The following TJP3 variants were observed in gnomAD, a reference collection of about 807,000 sequenced individuals.
TJP3 encodes tight junction protein 3.
Under a neutral mutation model 104.2 loss-of-function variants are expected in TJP3, and 85 were observed. The observed-to-expected ratio is 0.82, with a 90% CI of 0.68 to 0.98. TJP3 has a LOEUF of 0.98. Among genes scored for constraint, TJP3 ranks in the 50% least tolerant of loss-of-function variants. TJP3 has a pLI of 0.00. For missense variants in TJP3, 1,367 were observed against 1,322.8 expected (o/e 1.03, Z -0.52); for synonymous variants, 550 against 550.6 (o/e 1.00, Z 0.02).
chr19:3,714,353 T>C (rs1230206050), intron 1 of TJP3, among the ~76,000 whole-genome samples: 2 of 151,552 alleles, frequency 1.3e-5, no homozygotes, highest in Non-Finnish European at 2.9e-5. Flanking sequence ...CTAATTTTAG[T>C]ATTTTTAGTA....
At chr19:3,711,462 G>T (rs534672791) in intron 1 of TJP3, among the ~76,000 whole-genome samples, 46 of 151,850 alleles carry the variant, frequency 3.0e-4, no homozygotes, top group Admixed American at 1.7e-3. Flanking sequence ...GCCTCCCAAA[G>T]TGCTGGGATT....
intron 13 of TJP3, among the ~76,000 whole-genome samples, 184 bp downstream of exon 13, chr19:3,739,318 C>T (rs1450515006): frequency 6.6e-5 from 10 of 152,244 alleles, no homozygotes; most frequent in East Asian, 5.8e-4. Flanking sequence ...GGTGAAACCT[C>T]GTCTCTACTA....
At chr19:3,722,057 C>T in intron 1 of TJP3, 1 of 437,626 alleles carries the variant, frequency 2.3e-6, no homozygotes. Context: ...GATGAAGTGG[C>T]TAGCTGGAGG....
At position 3,730,602 on chromosome 19, in the gene TJP3, AGGCC is replaced by A. The variant is rs1245816214; in HGVS notation, c.510_513del (p.Ala171ThrfsTer19). On this transcript the variant is annotated frameshift_variant, in exon 5 of 21. Coordinates refer to ENST00000541714, the MANE Select transcript of TJP3 (RefSeq NM_001267560.2). LOFTEE classifies it high-confidence loss of function. The surrounding 1 kb of genome is among the most constrained non-coding windows in gnomAD (Gnocchi z 7.3). Reference sequence around the variant, plus strand: ...CGTAGGAGCCCAGGTGGTGGCTCTGAGGCCAACGGGCTGGCCCTGGTGTCCGGCT... The same window carrying A: ...CGTAGGAGCCCAGGTGGTGGCTCTGAAACGGGCTGGCCCTGGTGTCCGGCT... The A allele has an allele frequency of 6.2e-7, 1 of 1,611,240 alleles. No homozygotes were observed. The highest frequency in any genetic ancestry group is 1.3e-5 in the African/African-American group (1 of 74,932).
At chr19:3,728,565 G>A (rs754636794) in intron 2 of TJP3, 39 bp from the exon 3 acceptor site, 7 of 1,602,634 alleles carry the variant, frequency 4.4e-6, no homozygotes, top group Middle Eastern at 1.7e-4. Flanking sequence ...TTTACCCTGG[G>A]GGAAACAGCA....
chr19:3,747,151 C>T (rs1034296463), intron 18 of TJP3, among the ~76,000 whole-genome samples: 4 of 152,150 alleles, frequency 2.6e-5, no homozygotes, highest in Non-Finnish European at 4.4e-5. Context: ...ACCTCCGCCT[C>T]CCGGGTTCAA....
intron 19 of TJP3, chr19:3,749,502 C>T (rs181455130): frequency 6.6e-6 from 1 of 152,174 alleles, no homozygotes; most frequent in Non-Finnish European, 1.5e-5. Context: ...ACCACCCACA[C>T]CCAGCTAATT....
intron 6 of TJP3, 54 bp downstream of exon 6, chr19:3,732,092 G>A: frequency 2.0e-6 from 3 of 1,511,292 alleles, no homozygotes; most frequent in South Asian, 1.2e-5. Context: ...GGTTGGGGCG[G>A]GCAGTCCCAC....
chr19:3,728,476 C>G lies in TJP3; in HGVS notation c.44C>G (p.Ser15Cys). The change falls in exon 2 of 21, where the codon TCC becomes TGC. Residue 15 changes from serine to cysteine, a missense_variant. Transcript: ENST00000541714. The part of the protein sequence containing the change: ...TIWEQHTATL[S>C]KDPRRGFGIA... ...TGGGAACAGCACACGGCCACACTGT[C>G]CAAGGTGAGGCCTCCCTCTCCCTGT... is the stretch of plus-strand genomic sequence containing the variant. 1 of 1,610,500 alleles carries G rather than the reference C, an allele frequency of 6.2e-7. No individual in the cohort carries two copies. The highest frequency in any genetic ancestry group is 8.5e-7 in the Non-Finnish European group (1 of 1,178,650).
chr19:3,729,696 C>T (rs778138945), intron 3 of TJP3, among the ~76,000 whole-genome samples: 6 of 149,456 alleles, frequency 4.0e-5, no homozygotes, highest in Non-Finnish European at 3.0e-5. Context: ...GCAGAAGGAT[C>T]GTTTGAAACG....
intron 1 of TJP3, among the ~76,000 whole-genome samples, chr19:3,720,393 C>A (rs547051572): frequency 6.6e-6 from 1 of 152,290 alleles, no homozygotes; most frequent in East Asian, 1.9e-4. Flanking sequence ...GTTTACTAAG[C>A]AAACTCTTAA....
At chr19:3,717,293 G>A (rs1436475206) in intron 1 of TJP3, among the ~76,000 whole-genome samples, 1 of 138,628 alleles carries the variant, frequency 7.2e-6, no homozygotes, top group East Asian at 2.0e-4. Flanking sequence ...AGTACAGACA[G>A]AGTTTCACCA....
chr19:3,739,787 G>A (rs1346413884), intron 13 of TJP3, among the ~76,000 whole-genome samples: 3 of 152,066 alleles, frequency 2.0e-5, no homozygotes, highest in African/African-American at 4.8e-5. Context: ...CCCTCAGCTC[G>A]GGGCCCCTTC....
intron 1 of TJP3, among the ~76,000 whole-genome samples, chr19:3,723,452 G>A (rs773231373): frequency 4.6e-5 from 7 of 152,180 alleles, no homozygotes; most frequent in South Asian, 4.1e-4. Context: ...CATACTAACC[G>A]ATGGTTAAAG....
chr19:3,739,168 C>G, intron 13 of TJP3, 34 bp downstream of exon 13: 1 of 1,482,058 alleles, frequency 6.7e-7, no homozygotes, highest in Non-Finnish European at 9.0e-7. Flanking sequence ...TGGGGCACTT[C>G]TGCTTCAGCC....
Position 3,746,351 on chromosome 19 carries a change from T to A in TJP3, c.2011-134T>A. 1.0e-6 allele frequency: 1 copy of A among 1,000,468 alleles called. No homozygotes were observed. The highest frequency in any genetic ancestry group is 1.6e-5 in the South Asian group (1 of 61,984). The allele number at this position is 1,000,468 out of a possible 1,614,324, so 62.0% of individuals were successfully genotyped here. A position where few individuals can be genotyped will look rare whatever the true frequency, so the allele number is the denominator to read the frequency against. Reference sequence around the variant, plus strand: ...GCGACCTGGGCTGTTACCACCCCCATCCCCAACTTGCTAGCCTGTGGATGT... The same window carrying A: ...GCGACCTGGGCTGTTACCACCCCCAACCCCAACTTGCTAGCCTGTGGATGT... On this transcript the variant is annotated intron_variant, in intron 16 of 20. Coordinates refer to ENST00000541714, the MANE Select transcript of TJP3 (RefSeq NM_001267560.2). This position sits in a 1 kb window ranked among gnomAD's most constrained non-coding sequence, Gnocchi z 4.1.
intron 14 of TJP3, among the ~76,000 whole-genome samples, chr19:3,742,237 CA>C: frequency 6.6e-6 from 1 of 151,762 alleles, no homozygotes; most frequent in South Asian, 2.1e-4. Context: ...AGTCTGGGAC[CA>C]GCCTGGACAG....
chr19:3,731,670 A>G (rs983302348), intron 5 of TJP3, among the ~76,000 whole-genome samples: 1 of 101,366 alleles, frequency 9.9e-6, no homozygotes, highest in Non-Finnish European at 2.4e-5. Flanking sequence ...AAATTGAAAC[A>G]ATGATGATGT....
intron 18 of TJP3, 132 bp from the exon 19 acceptor site, chr19:3,747,662 G>A (rs2036917462): frequency 1.8e-6 from 2 of 1,127,258 alleles, no homozygotes; most frequent in Non-Finnish European, 2.4e-6. Context: ...CAACAGAGAA[G>A]CCTCCACTGA....
Sources: gnomAD v4.1 joint callset for allele counts (sites outside exome capture counted in the v4.1 genomes callset) on GRCh38, gnomAD v4.1.1 for gene constraint, Gnocchi (gnomAD v3.1) non-coding constraint, MANE v1.5 for transcripts, NCBI Gene and HGNC (gene_info 2026-07-23, HGNC 2026-07-21) for gene names.